Variants in TMEM132D observed in about 807,000 individuals in gnomAD.
TMEM132D encodes transmembrane protein 132D.
TMEM132D carries 21 observed loss-of-function variants against 62.3 expected under a neutral mutation model. That is an observed-to-expected ratio of 0.34 (90% CI 0.24 to 0.49). The LOEUF is 0.49. TMEM132D is among the 20% of genes least tolerant of loss of function. The pLI is 0.99. For synonymous variants in TMEM132D, 621 were observed against 575.6 expected, an observed-to-expected ratio of 1.08 and a Z score of -1.13; for missense variants, 1,346 against 1,402.8, an observed-to-expected ratio of 0.96 and a Z score of 0.65.
intron 3 of TMEM132D, among the ~76,000 whole-genome samples, chr12:129,442,372 C>T (rs183867707): frequency 3.0e-4 from 46 of 152,256 alleles, no homozygotes; most frequent in Admixed American, 2.1e-3. Context: ...AGGCTCCATG[C>T]GTATGTGTTA....
At chr12:129,436,394 A>AT (rs2135718902) in intron 3 of TMEM132D, among the ~76,000 whole-genome samples, 2 of 152,246 alleles carry the variant, frequency 1.3e-5, no homozygotes, top group South Asian at 4.1e-4. Flanking sequence ...ATATAATTAT[A>AT]TTTTATTTTA....
At chr12:129,129,100 A>G (rs1203280442) in intron 5 of TMEM132D, among the ~76,000 whole-genome samples, 2 of 152,212 alleles carry the variant, frequency 1.3e-5, no homozygotes, top group Non-Finnish European at 1.5e-5. Flanking sequence ...AGTACTGAGC[A>G]TGGTACCCAA....
intron 2 of TMEM132D, among the ~76,000 whole-genome samples, chr12:129,601,271 C>T (rs1297630406): frequency 6.6e-6 from 1 of 152,164 alleles, no homozygotes; most frequent in Middle Eastern, 3.2e-3. Context: ...CTTCATAGAA[C>T]TGAAAAGTTA....
intron 3 of TMEM132D, among the ~76,000 whole-genome samples, chr12:129,392,496 C>T (rs138648755): frequency 6.6e-6 from 1 of 152,364 alleles, no homozygotes; most frequent in African/African-American, 2.4e-5. Flanking sequence ...ATTCTGGTCT[C>T]ATGGGCCTGC....
intron 2 of TMEM132D, among the ~76,000 whole-genome samples, chr12:129,558,538 ATC>A (rs1328652279): frequency 9.2e-5 from 14 of 152,156 alleles, no homozygotes; most frequent in Non-Finnish European, 4.4e-5. Flanking sequence ...AACGTGAGCA[ATC>A]TCTGTGAAGC....
intron 2 of TMEM132D, among the ~76,000 whole-genome samples, chr12:129,539,295 G>A (rs144157540): frequency 0.012 from 1,825 of 150,090 alleles, 20 homozygotes; most frequent in African/African-American, 0.032. Flanking sequence ...GCAGTGGCAC[G>A]ACCTCGGCTC....
intron 1 of TMEM132D, among the ~76,000 whole-genome samples, chr12:129,778,098 G>A (rs1245805704): frequency 8.4e-6 from 1 of 118,542 alleles, no homozygotes. Flanking sequence ...CTGGGCAACA[G>A]AGTGAGACCC....
At chr12:129,134,122 G>GTC (rs753234058) in intron 5 of TMEM132D, among the ~76,000 whole-genome samples, 2,889 of 142,840 alleles carry the variant, frequency 0.02, 94 homozygotes, top group African/African-American at 0.076. Context: ...TGTGTTGTGT[G>GTC]TGTGTGTGTG....
At chr12:129,878,624 T>G (rs976443417) in intron 1 of TMEM132D, among the ~76,000 whole-genome samples, 3 of 151,618 alleles carry the variant, frequency 2.0e-5, no homozygotes, top group African/African-American at 7.3e-5. Flanking sequence ...GTGCCCAGGC[T>G]GGAGTGCAGT....
At chr12:129,412,856 C>A (rs538733590) in intron 3 of TMEM132D, among the ~76,000 whole-genome samples, 2 of 152,026 alleles carry the variant, frequency 1.3e-5, no homozygotes, top group African/African-American at 4.8e-5. Context: ...TCCATCTCAA[C>A]AGCAACAACA....
At chr12:129,088,222 C>CGGGTGTCCTCCCTGACCG in intron 5 of TMEM132D, among the ~76,000 whole-genome samples, 1 of 37,208 alleles carries the variant, frequency 2.7e-5, no homozygotes, top group Admixed American at 3.0e-4. Context: ...CCTCCATGAC[C>CGGGTGTCCTCCCTGACCG]GGGTGTCCTC....
intron 3 of TMEM132D, among the ~76,000 whole-genome samples, chr12:129,393,081 C>T (rs777365003): frequency 3.3e-5 from 5 of 152,100 alleles, no homozygotes; most frequent in Non-Finnish European, 7.4e-5. Context: ...GGGAAAGTTC[C>T]TGATTTTTCA....
At chr12:129,831,356 C>T (rs142653986) in intron 1 of TMEM132D, among the ~76,000 whole-genome samples, 2,290 of 152,288 alleles carry the variant, frequency 0.015, 29 homozygotes, top group Non-Finnish European at 0.02. Context: ...CCACTGAATA[C>T]GCAAATGCGA....
At chr12:129,748,349 G>A (rs909583881) in intron 1 of TMEM132D, among the ~76,000 whole-genome samples, 5 of 152,176 alleles carry the variant, frequency 3.3e-5, no homozygotes, top group East Asian at 1.9e-4. Context: ...CAATTTGGAC[G>A]GAGAATGAGA....
chr12:129,136,849 CATCATT>C (rs1230881208), intron 5 of TMEM132D, among the ~76,000 whole-genome samples: 1 of 150,660 alleles, frequency 6.6e-6, no homozygotes, highest in Non-Finnish European at 1.5e-5. Context: ...CCACCACCAT[CATCATT>C]ATCATCACCA....
At chr12:129,559,710 G>C (rs1360830109) in intron 2 of TMEM132D, among the ~76,000 whole-genome samples, 1 of 152,060 alleles carries the variant, frequency 6.6e-6, no homozygotes, top group Non-Finnish European at 1.5e-5. Flanking sequence ...TCTACCTTGG[G>C]CTCTATGCTG....
chr12:129,729,959 T>C (rs1384876095), intron 1 of TMEM132D, among the ~76,000 whole-genome samples: 2 of 151,970 alleles, frequency 1.3e-5, no homozygotes, highest in Admixed American at 6.6e-5. Flanking sequence ...GTAACGTCCA[T>C]CCCCTGCCCG....
chr12:129,302,491 G>A (rs1165733858), intron 4 of TMEM132D, among the ~76,000 whole-genome samples: 3 of 152,210 alleles, frequency 2.0e-5, no homozygotes, highest in Non-Finnish European at 4.4e-5. Flanking sequence ...CACACAACAC[G>A]AAGCTCACCT....
chr12:129,532,601 A>C (rs1593054386), intron 2 of TMEM132D, among the ~76,000 whole-genome samples: 2 of 152,236 alleles, frequency 1.3e-5, no homozygotes, highest in East Asian at 3.9e-4. Context: ...CCTGCTGGCA[A>C]GGGTGGCTGG....
Sources: gnomAD v4.1 joint callset for allele counts (sites outside exome capture counted in the v4.1 genomes callset) on GRCh38, gnomAD v4.1.1 for gene constraint, MANE v1.5 for transcripts, NCBI Gene and HGNC (gene_info 2026-07-23, HGNC 2026-07-21) for gene names.